NRG2: variants seen among roughly 807,000 people sequenced by gnomAD.
NRG2 encodes the protein neuregulin 2, also known as pro-neuregulin-2, membrane-bound isoform.
In NRG2, 27 loss-of-function variants were observed where a neutral mutation model predicts 73.9. That is an observed-to-expected ratio of 0.37 (90% confidence interval 0.27 to 0.50). The LOEUF (loss-of-function observed/expected upper bound fraction) is 0.50, where lower values mean the gene tolerates loss of function less well. Ranked by LOEUF, NRG2 falls within the 20% of genes least tolerant of loss-of-function variation. The pLI, the probability that NRG2 is intolerant of heterozygous loss-of-function variation, is 0.96. For synonymous variants in NRG2, 532 were observed against 541.0 expected (o/e 0.98, Z 0.23); for missense variants, 1,126 against 1,210.1 (o/e 0.93, Z 1.03).
At chr5:139,876,725 C>T (rs1427836733) in intron 3 of NRG2, among the ~76,000 whole-genome samples, 2 of 152,032 alleles carry the variant, frequency 1.3e-5, no homozygotes, top group Admixed American at 1.3e-4. Context: ...GCTCCTTTAT[C>T]CATCGAGGCC....
At chr5:139,988,126 C>T (rs887572872) in intron 1 of NRG2, among the ~76,000 whole-genome samples, 1 of 151,932 alleles carries the variant, frequency 6.6e-6, no homozygotes, top group Non-Finnish European at 1.5e-5. Context: ...ATTAGAATGG[C>T]CAAAGTCCAG....
At chr5:139,968,637 ACTGGGAGCTCTCCGTT>A (rs980098253) in intron 1 of NRG2, among the ~76,000 whole-genome samples, 1 of 152,214 alleles carries the variant, frequency 6.6e-6, no homozygotes, top group African/African-American at 2.4e-5. Flanking sequence ...AGCTGTCCAC[ACTGGGAGCTCTCCGTT>A]CGGCGGCCTT....
intron 5 of NRG2, among the ~76,000 whole-genome samples, chr5:139,858,864 A>G (rs568358415): frequency 1.3e-5 from 2 of 152,302 alleles, no homozygotes; most frequent in South Asian, 2.1e-4. Context: ...GCCAGTAGCT[A>G]TAGACAGATG....
intron 1 of NRG2, among the ~76,000 whole-genome samples, chr5:139,906,473 CACTT>C (rs2127184036): frequency 1.3e-5 from 2 of 152,318 alleles, no homozygotes; most frequent in East Asian, 3.9e-4. Context: ...AAGTCACACA[CACTT>C]ACTCTATCTC....
chr5:139,855,590 T>TG, intron 6 of NRG2, 86 bp downstream of exon 6: 1 of 1,144,292 alleles, frequency 8.7e-7, no homozygotes, highest in Non-Finnish European at 1.3e-6. Flanking sequence ...TCCAGTGGGG[T>TG]GGGGGAGGAA....
chr5:139,974,025 T>C (rs1040636119), intron 1 of NRG2, among the ~76,000 whole-genome samples: 7 of 152,280 alleles, frequency 4.6e-5, no homozygotes, highest in African/African-American at 1.7e-4. Context: ...GTCTAACTGT[T>C]CAAAATTCAA....
At chr5:139,951,960 G>T (rs908359710) in intron 1 of NRG2, among the ~76,000 whole-genome samples, 19 of 152,224 alleles carry the variant, frequency 1.2e-4, no homozygotes, top group African/African-American at 4.3e-4. Flanking sequence ...TCGCCAGGAA[G>T]AAAGCATGGC....
chr5:139,935,755 T>A (rs990553586), intron 1 of NRG2, among the ~76,000 whole-genome samples: 1 of 151,850 alleles, frequency 6.6e-6, no homozygotes, highest in African/African-American at 2.4e-5. Flanking sequence ...AGGCTGGCAG[T>A]TGGAGACCAG....
chr5:140,031,314 C>T (rs751448124), intron 1 of NRG2, among the ~76,000 whole-genome samples: 19 of 152,084 alleles, frequency 1.2e-4, no homozygotes, highest in Non-Finnish European at 2.5e-4. Context: ...AAGTAAAACC[C>T]ATACAAACAG....
chr5:139,887,370 C>A lies in NRG2; in HGVS notation c.842G>T (p.Arg281Leu). The A allele has an allele frequency of 6.2e-7, 1 of 1,614,226 alleles. No individual in the cohort carries two copies. Among genetic ancestry groups the A allele is most frequent in the Non-Finnish European group, 8.5e-7 (1 of 1,180,042 alleles). Residue 281 changes from arginine (R) to leucine (L), a missense_variant, in exon 2 of 10, where the codon CGA becomes CTA. Arg to Leu is a moderately radical substitution (Grantham distance 102). Around this residue, in one of 3 missense-constraint regions of NRG2, gnomAD observed 539 missense variants for 703.2 expected, o/e 0.77. Coordinates refer to ENST00000361474, the MANE Select transcript of NRG2 (RefSeq NM_004883.3). The surrounding 1 kb of genome is among the most constrained non-coding windows in gnomAD (Gnocchi z 4.5). ...FKDGKELNRS[R>L]DIRIKYGNGR... ...GTTGCCATATTTGATGCGAATGTCT[C>A]GGCTGCGGTTGAGCTCCTTGCCATC...
intron 1 of NRG2, among the ~76,000 whole-genome samples, chr5:139,994,511 T>C (rs950318554): frequency 6.6e-6 from 1 of 152,218 alleles, no homozygotes. Context: ...GGAGTTGTTG[T>C]TTAACGGGTA....
chr5:139,848,053 C>T lies in NRG2; in HGVS notation c.2417G>A (p.Arg806His). The T allele has an allele frequency of 6.7e-7, 1 of 1,503,212 alleles. No individual in the cohort carries two copies. Among genetic ancestry groups the T allele is most frequent in the East Asian group, 2.8e-5 (1 of 36,162 alleles). The allele number at this position is 1,503,212 out of a possible 1,614,324, so 93.1% of individuals were successfully genotyped here. The change falls in exon 10 of 10, where the codon CGC (arginine) becomes CAC (histidine). Residue 806 changes from arginine (R) to histidine (H), a missense_variant. Transcript: ENST00000361474. ...CGGGCACAGTGGCGGCGAGTCCGAG[C>T]GCAGCGCGTCGTGCGCCCCACGCAG... is the stretch of plus-strand genomic sequence containing the variant. ...LGLRGAHDAL[R>H]SDSPPLCPAA...
intron 1 of NRG2, among the ~76,000 whole-genome samples, chr5:140,004,325 C>T (rs1224028056): frequency 2.6e-5 from 4 of 151,866 alleles, no homozygotes; most frequent in African/African-American, 9.7e-5. Flanking sequence ...ACACCACAAA[C>T]AACTTTTGCA....
chr5:139,930,615 C>T (rs753072638), intron 1 of NRG2, among the ~76,000 whole-genome samples: 3 of 152,162 alleles, frequency 2.0e-5, no homozygotes, highest in African/African-American at 2.4e-5. Flanking sequence ...AAGTGCATGC[C>T]TCATTGGCTT....
chr5:139,847,930 G>T lies in NRG2; in HGVS notation c.2540C>A (p.Ser847Ter). 1 of 1,492,774 alleles carries T rather than the reference G, an allele frequency of 6.7e-7. No individual in the cohort carries two copies. 92.5% of individuals were successfully genotyped at this position (1,492,774 alleles called of 1,614,324 possible). Residue 847 changes from serine to a stop codon, truncating the protein, a stop_gained, in exon 10 of 10, where the codon TCG becomes TAG. Transcript: ENST00000361474. LOFTEE classifies it high-confidence loss of function. ...CGCGGCGGGGCCCTAGAGTGGCGCC[G>T]AGTCCTGCTTGGCCCGCGGGGGCGG... ...RGPPPRAKQD[S>*]APL
At chr5:139,970,551 C>T (rs932660400) in intron 1 of NRG2, among the ~76,000 whole-genome samples, 9 of 152,348 alleles carry the variant, frequency 5.9e-5, no homozygotes, top group African/African-American at 2.2e-4. Context: ...GTGTCCACCA[C>T]TCCCACCAAC....
Position 139,868,082 on chromosome 5 carries a change from T to C in NRG2, c.1113-2457A>G, listed in dbSNP as rs1762604125. Among the ~76,000 whole-genome samples the C allele has an allele frequency of 6.6e-6, 1 of 151,872 alleles. No individual in the cohort carries two copies. On this transcript the variant is annotated intron_variant, in intron 4 of 9. Coordinates refer to ENST00000361474, the MANE Select transcript of NRG2 (RefSeq NM_004883.3). This position sits in a 1 kb window ranked among gnomAD's most constrained non-coding sequence, Gnocchi z 4.2. ...TCCTAACCTTCCTTCCTTGAGAAAA[T>C]GTGCTCCCCGCTGGCTGAACAAAAC... is the stretch of plus-strand genomic sequence containing the variant.
At chr5:139,967,348 C>G (rs1755607336) in intron 1 of NRG2, among the ~76,000 whole-genome samples, 1 of 152,230 alleles carries the variant, frequency 6.6e-6, no homozygotes, top group African/African-American at 2.4e-5. Context: ...CAGACATTCT[C>G]AGGACACACA....
At chr5:140,022,610 C>G (rs1344430297) in intron 1 of NRG2, among the ~76,000 whole-genome samples, 1 of 152,142 alleles carries the variant, frequency 6.6e-6, no homozygotes, top group Non-Finnish European at 1.5e-5. Context: ...AGAATCCTGG[C>G]TCTCCTATTA....
Sources: gnomAD v4.1 joint callset for allele counts (sites outside exome capture counted in the v4.1 genomes callset) on GRCh38, gnomAD v4.1.1 for gene constraint, gnomAD v4.1.1 regional missense constraint, Gnocchi (gnomAD v3.1) non-coding constraint, MANE v1.5 for transcripts, NCBI Gene and HGNC (gene_info 2026-07-23, HGNC 2026-07-21) for gene names.